Variants in ZNF45 observed in about 807,000 individuals in gnomAD.
ZNF45 encodes zinc finger protein 45.
In ZNF45, 4 loss-of-function variants were observed where a neutral mutation model predicts 12.0. The ratio of observed to expected loss-of-function variants is 0.33; its 90% CI spans 0.16 to 0.76. ZNF45 has a LOEUF of 0.76. Ranked by LOEUF, ZNF45 falls within the 30% of genes least tolerant of loss-of-function variation. The probability of loss-of-function intolerance (pLI) is 0.60; values close to 1 mark genes in which losing one functional copy is unlikely to be tolerated. For synonymous variants in ZNF45, 272 were observed against 279.6 expected (o/e 0.97, Z 0.27); for missense variants, 700 against 813.0 (o/e 0.86, Z 1.69).
At position 43,914,754 on chromosome 19, in the gene ZNF45, T is replaced by C; in HGVS notation, c.682A>G (p.Ser228Gly). 1 of 1,614,146 alleles carries C rather than the reference T, an allele frequency of 6.2e-7. No homozygotes were observed. Among genetic ancestry groups the C allele is most frequent in the Non-Finnish European group, 8.5e-7 (1 of 1,180,032 alleles). Residue 228 changes from serine to glycine, a missense_variant, in exon 10 of 10, where the codon AGT becomes GGT. Transcript: ENST00000269973. ...KSYTNDASYRSFSQRSHLPHH... is the reference protein window; with the variant it reads ...KSYTNDASYRGFSQRSHLPHH... ...GGAAGATGTGACCTCTGACTAAAAC[T>C]CCTGTAACTTGCATCATTTGTGTAT... is the stretch of plus-strand genomic sequence containing the variant.
intron 7 of ZNF45, among the ~76,000 whole-genome samples, chr19:43,920,179 C>T (rs1460789666): frequency 1.3e-5 from 2 of 152,088 alleles, no homozygotes; most frequent in East Asian, 3.8e-4. Context: ...ATCATATTTT[C>T]GTATATTTAC....
At chr19:43,921,409 G>T (rs1973170145) in intron 7 of ZNF45, among the ~76,000 whole-genome samples, 1 of 152,130 alleles carries the variant, frequency 6.6e-6, no homozygotes, top group South Asian at 2.1e-4. Flanking sequence ...ATACGGATCA[G>T]TAAGTAAACA....
Position 43,913,380 on chromosome 19 carries a change from A to G in ZNF45, c.*7T>C. 6.5e-7 allele frequency: 1 copy of G among 1,528,482 alleles called. No homozygotes were observed. The highest frequency in any genetic ancestry group is 8.8e-7 in the Non-Finnish European group (1 of 1,140,152). 94.7% of individuals were successfully genotyped at this position (1,528,482 alleles called of 1,614,324 possible). The stretch of plus-strand genomic sequence containing the variant: ...TTCAGCACCCATCTGAGATAGTAAA[A>G]CATATTTTATCGAGTTTTCCTGTGT... On this transcript the variant is annotated 3_prime_UTR_variant, in exon 10 of 10. Coordinates refer to ENST00000269973, the MANE Select transcript of ZNF45 (RefSeq NM_003425.4).
chr19:43,922,595 G>A (rs1025710731), intron 6 of ZNF45, among the ~76,000 whole-genome samples: 14 of 151,928 alleles, frequency 9.2e-5, no homozygotes, highest in Non-Finnish European at 1.3e-4. Context: ...CTATTTATTC[G>A]CTATGAAATC....
rs1972416631 is a variant in ZNF45, at chr19:43,913,931, C to A, written c.1505G>T (p.Cys502Phe). The change falls in exon 10 of 10, where the codon TGC becomes TTC. Residue 502 changes from cysteine (C) to phenylalanine (F), a missense_variant. Cys to Phe is a radical substitution (Grantham distance 205). Coordinates refer to ENST00000269973, the MANE Select transcript of ZNF45 (RefSeq NM_003425.4). ...ACTGAAGGCCTTACCACACCTCTCG[C>A]ATTTATAGGGTTTCTCTCCTGTGTG... ...RIHTGEKPYK[C>F]ERCGKAFSQF... 1 of 1,602,452 alleles carries A rather than the reference C, an allele frequency of 6.2e-7. No individual in the cohort carries two copies. The highest frequency in any genetic ancestry group is 1.7e-5 in the Admixed American group (1 of 59,124).
At chr19:43,919,737 A>G in intron 7 of ZNF45, 38 bp from the exon 8 acceptor site, 1 of 1,602,988 alleles carries the variant, frequency 6.2e-7, no homozygotes, top group Non-Finnish European at 8.5e-7. Context: ...ATCTTGCAAT[A>G]AAGGTCCACT....
intron 2 of ZNF45, among the ~76,000 whole-genome samples, chr19:43,933,074 C>G (rs375958013): frequency 1.4e-4 from 21 of 152,326 alleles, no homozygotes; most frequent in African/African-American, 5.1e-4. Flanking sequence ...GCCTCCAGAA[C>G]TGTAACAAAT....
At chr19:43,916,861 C>A in intron 9 of ZNF45, among the ~76,000 whole-genome samples, 1 of 151,648 alleles carries the variant, frequency 6.6e-6, no homozygotes, top group African/African-American at 2.4e-5. Context: ...TCATGCTGAT[C>A]ACAAAATCAT....
intron 9 of ZNF45, among the ~76,000 whole-genome samples, chr19:43,918,412 A>T (rs146813621): frequency 5.3e-5 from 8 of 152,308 alleles, no homozygotes; most frequent in African/African-American, 1.9e-4. Flanking sequence ...CTAAGGCATT[A>T]GGAAGGTGAT....
At chr19:43,933,549 G>GA (rs1168149797) in intron 2 of ZNF45, among the ~76,000 whole-genome samples, 5 of 152,076 alleles carry the variant, frequency 3.3e-5, no homozygotes, top group African/African-American at 1.2e-4. Flanking sequence ...ATACTCAAGG[G>GA]AAAAAAAGTT....
At position 43,919,758 on chromosome 19, in the gene ZNF45, T is replaced by C. The variant is rs574913285; in HGVS notation, c.16-59A>G. On this transcript the variant is annotated intron_variant, in intron 7 of 9. Coordinates refer to ENST00000269973, the MANE Select transcript of ZNF45 (RefSeq NM_003425.4). ...CAATAAAGGTCCACTGGAAAAGGGA[T>C]AGCACTGAGAAATGTGAAAAAGATG... 1.3e-5 allele frequency: 20 copies of C among 1,580,844 alleles called. No individual in the cohort carries two copies. In the South Asian group the frequency reaches 1.6e-4, roughly 12 times the overall value.
rs183553650 is a variant in ZNF45, at chr19:43,931,722, A to G, written c.-400+882T>C. On this transcript the variant is annotated intron_variant, in intron 3 of 9. Coordinates refer to ENST00000269973, the MANE Select transcript of ZNF45 (RefSeq NM_003425.4). ...AGTCTTCACAGAAACTTTACGAGGT[A>G]GTTATTAATATCATCCCTACTTAAC... Among the ~76,000 whole-genome samples the G allele has an allele frequency of 6.1e-4, 93 of 152,242 alleles. 1 individual carries two copies. Among genetic ancestry groups the G allele is most frequent in the Middle Eastern group, 6.8e-3 (2 of 294 alleles).
At chr19:43,930,037 T>G (rs1375633385) in intron 3 of ZNF45, 1 of 152,236 alleles carries the variant, frequency 6.6e-6, no homozygotes, top group African/African-American at 2.4e-5. Flanking sequence ...GAACAGAAAT[T>G]TCTCACAGTT....
chr19:43,929,048 A>T (rs533888404), intron 3 of ZNF45, among the ~76,000 whole-genome samples: 11 of 152,386 alleles, frequency 7.2e-5, no homozygotes, highest in African/African-American at 2.6e-4. Context: ...TAACTTGTTC[A>T]TGTTTAACAA....
chr19:43,913,680 A>G lies in ZNF45; in HGVS notation c.1756T>C (p.Cys586Arg). The G allele has an allele frequency of 6.2e-7, 1 of 1,612,484 alleles. No homozygotes were observed. The highest frequency in any genetic ancestry group is 8.5e-7 in the Non-Finnish European group (1 of 1,179,826). ...CTGAAGCGCTTACCACACACATCAC[A>G]TCGGTATGGTTTTTCTCCTGTGTGG... ...GVHTGEKPYR[C>R]DVCGKRFRQR... Residue 586 changes from cysteine (C) to arginine (R), a missense_variant, in exon 10 of 10, where the codon TGT (cysteine) becomes CGT (arginine). Physicochemically the swap from Cys to Arg is radical, Grantham distance 180. Coordinates refer to ENST00000269973, the MANE Select transcript of ZNF45 (RefSeq NM_003425.4).
rs1972463329 is a variant in ZNF45, at chr19:43,914,386, A to G, written c.1050T>C (p.His350=). 6.2e-7 allele frequency: 1 copy of G among 1,611,100 alleles called. No individual in the cohort carries two copies. ...SFSYSSHLNI[H]CRIHTGEKPY... is the part of the protein sequence containing the mutation. ...GTTTCTCTCCTGTGTGGATTCTACA[A>G]TGAATATTAAGGTGTGAGCTGTAAC... The change falls in exon 10 of 10, where the codon CAT becomes CAC. Residue 350 remains histidine, a synonymous_variant. Transcript: ENST00000269973.
intron 9 of ZNF45, among the ~76,000 whole-genome samples, chr19:43,916,233 TCCC>T (rs1972657776): frequency 6.6e-6 from 1 of 151,822 alleles, no homozygotes; most frequent in Non-Finnish European, 1.5e-5. Context: ...TCCTGCCTTA[TCCC>T]CCCAAGCTGC....
chr19:43,923,578 G>T (rs905304242), intron 6 of ZNF45, among the ~76,000 whole-genome samples: 1 of 152,032 alleles, frequency 6.6e-6, no homozygotes, highest in Non-Finnish European at 1.5e-5. Flanking sequence ...TGTGGATAAG[G>T]GGGGACTACT....
intron 2 of ZNF45, among the ~76,000 whole-genome samples, chr19:43,932,917 C>T (rs542055286): frequency 3.9e-5 from 6 of 152,288 alleles, no homozygotes; most frequent in East Asian, 1.9e-4. Context: ...AAAGTCCTAA[C>T]GCTCGGTATC....
Sources: allele counts gnomAD v4.1 joint callset (sites outside exome capture counted in the v4.1 genomes callset), GRCh38; gene constraint gnomAD v4.1.1; transcripts MANE v1.5; gene names NCBI Gene and HGNC (gene_info 2026-07-23, HGNC 2026-07-21).